The following DPH6 variants were observed in gnomAD, a reference collection of about 807,000 sequenced individuals.
DPH6 encodes the protein diphthine--ammonia ligase.
DPH6 carries 33 observed loss-of-function variants against 38.2 expected under a neutral mutation model. The observed-to-expected ratio is 0.86, with a 90% CI of 0.65 to 1.15. The LOEUF (loss-of-function observed/expected upper bound fraction) is 1.15, where lower values mean the gene tolerates loss of function less well. Among genes scored for constraint, DPH6 ranks in the 50% most tolerant of loss-of-function variants. DPH6 has a pLI of 0.00. For missense variants in DPH6, 325 were observed against 320.0 expected (o/e 1.02, Z -0.12); for synonymous variants, 108 against 103.0 (o/e 1.05, Z -0.30).
chr15:35,262,516 C>T (rs1308328474), intron 3 of DPH6, among the ~76,000 whole-genome samples: 2 of 151,982 alleles, frequency 1.3e-5, no homozygotes, highest in Non-Finnish European at 2.9e-5. Flanking sequence ...ACCATCCTGG[C>T]TAACACGGTG....
chr15:35,518,274 C>T (rs1477509113), intron 3 of DPH6, among the ~76,000 whole-genome samples: 2 of 152,014 alleles, frequency 1.3e-5, no homozygotes, highest in Admixed American at 6.6e-5. Context: ...AAGAGAGGGA[C>T]TCTAGGTCCC....
chr15:35,444,431 T>C (rs2053825220), intron 5 of DPH6, among the ~76,000 whole-genome samples: 2 of 152,188 alleles, frequency 1.3e-5, no homozygotes, highest in Admixed American at 1.3e-4. Context: ...CAATGTCCCA[T>C]AATTTAGGCT....
rs1165939476 is a variant in DPH6, at chr15:35,496,567, A to AATAT, written c.312+41703_312+41706dup. Among the ~76,000 whole-genome samples the AATAT allele has an allele frequency of 4.8e-3, 149 of 30,994 alleles. 16 individuals are homozygous for AATAT. Among genetic ancestry groups the AATAT allele is most frequent in the South Asian group, 8.8e-3 (3 of 340 alleles). 20.3% of individuals were successfully genotyped at this position (30,994 alleles called of 152,430 possible). ...GAAAGTTCCATCTCAAAAAAAAAAAAATATATATATATATATATATATATC... is the reference window on the plus strand; with the variant it reads ...GAAAGTTCCATCTCAAAAAAAAAAAAATATATATATATATATATATATATATATC... On this transcript the variant is annotated intron_variant, in intron 3 of 8. Transcript: ENST00000256538.
chr15:35,538,031 T>G, intron 3 of DPH6: 1 of 283,996 alleles, frequency 3.5e-6, no homozygotes, highest in Admixed American at 4.9e-5. Context: ...AGAAAACTTA[T>G]TTTAATATCA....
At chr15:35,410,466 T>C (rs2053351650) in intron 6 of DPH6, among the ~76,000 whole-genome samples, 1 of 151,726 alleles carries the variant, frequency 6.6e-6, no homozygotes, top group Non-Finnish European at 1.5e-5. Context: ...GGGGTTACAT[T>C]AATCTCTAAA....
chr15:35,273,596 C>A (rs1226482338), intron 3 of DPH6, among the ~76,000 whole-genome samples: 1 of 152,188 alleles, frequency 6.6e-6, no homozygotes, highest in Non-Finnish European at 1.5e-5. Context: ...AAATCACAAG[C>A]ATTCCTATAC....
intron 4 of DPH6, 148 bp downstream of exon 4, chr15:35,454,599 T>C (rs950952845): frequency 1.7e-6 from 1 of 583,232 alleles, no homozygotes; most frequent in Admixed American, 4.0e-5. Flanking sequence ...GCATGACTTT[T>C]GTTACTTAGG....
At chr15:35,256,368 C>A (rs1291042910) in intron 3 of DPH6, among the ~76,000 whole-genome samples, 3 of 152,126 alleles carry the variant, frequency 2.0e-5, no homozygotes, top group African/African-American at 7.2e-5. Context: ...TAGTCAGATA[C>A]TTTTCTAGAT....
intron 6 of DPH6, chr15:35,401,343 C>T: frequency 1.3e-6 from 1 of 763,418 alleles, no homozygotes; most frequent in African/African-American, 1.7e-5. Context: ...TTGGTGGCAG[C>T]TGTGGTGCTG....
chr15:35,157,953 A>G, the DPH6 span, among the ~76,000 whole-genome samples: 2 of 152,242 alleles, frequency 1.3e-5, no homozygotes, highest in East Asian at 3.9e-4. Flanking sequence ...CAAAAAAAAA[A>G]AATCCTTATC....
the DPH6 span, among the ~76,000 whole-genome samples, chr15:35,167,581 A>T: frequency 1.3e-5 from 2 of 151,808 alleles, no homozygotes; most frequent in South Asian, 4.2e-4. Context: ...TTAAAAAAAA[A>T]AAAAAAAGGC....
intron 3 of DPH6, among the ~76,000 whole-genome samples, chr15:35,283,866 A>C (rs2051919957): frequency 6.6e-6 from 1 of 152,164 alleles, no homozygotes; most frequent in Non-Finnish European, 1.5e-5. Flanking sequence ...TAAAAGCCAT[A>C]ACAATATAAA....
At chr15:35,357,905 G>A (rs1487181033) in intron 3 of DPH6, among the ~76,000 whole-genome samples, 1 of 152,192 alleles carries the variant, frequency 6.6e-6, no homozygotes, top group African/African-American at 2.4e-5. Context: ...TGTTCTTTGT[G>A]CTTCTTGTAT....
the DPH6 span, among the ~76,000 whole-genome samples, chr15:35,167,958 T>C: frequency 3.9e-5 from 6 of 152,044 alleles, no homozygotes; most frequent in Admixed American, 3.9e-4. Flanking sequence ...AATGAGTGGA[T>C]TTTGGCCCTG....
intron 7 of DPH6, among the ~76,000 whole-genome samples, chr15:35,378,832 G>C (rs928059671): frequency 6.6e-6 from 1 of 152,024 alleles, no homozygotes; most frequent in African/African-American, 2.4e-5. Context: ...TCAGGGGTGG[G>C]GGGCTGGGGG....
chr15:35,296,793 T>A (rs1392835682), intron 3 of DPH6, among the ~76,000 whole-genome samples: 1 of 143,756 alleles, frequency 7.0e-6, no homozygotes, highest in Non-Finnish European at 1.5e-5. Context: ...TCTAACCTGA[T>A]GGCCTGGCTT....
chr15:35,342,535 G>C (rs2052430058), intron 3 of DPH6, among the ~76,000 whole-genome samples: 1 of 152,198 alleles, frequency 6.6e-6, no homozygotes, highest in South Asian at 2.1e-4. Flanking sequence ...GGATATTTCA[G>C]TTGAAGGTGC....
intron 3 of DPH6, among the ~76,000 whole-genome samples, chr15:35,320,820 C>A (rs1333140945): frequency 6.6e-6 from 1 of 152,060 alleles, no homozygotes; most frequent in East Asian, 1.9e-4. Flanking sequence ...TTTTATATTT[C>A]TTCTGTCATT....
chr15:35,501,289 T>C (rs1419460112), intron 3 of DPH6, among the ~76,000 whole-genome samples: 1 of 152,206 alleles, frequency 6.6e-6, no homozygotes, highest in Non-Finnish European at 1.5e-5. Flanking sequence ...TAATATCTTG[T>C]TTCTTTCCTC....
Sources: allele counts gnomAD v4.1 joint callset (sites outside exome capture counted in the v4.1 genomes callset), GRCh38; gene constraint gnomAD v4.1.1; transcripts MANE v1.5; gene names NCBI Gene and HGNC (gene_info 2026-07-23, HGNC 2026-07-21).